CDH18: variants seen among roughly 807,000 people sequenced by gnomAD.
CDH18 encodes the protein cadherin-18.
In CDH18, 31 loss-of-function variants were observed where a neutral mutation model predicts 67.9. That is an observed-to-expected ratio of 0.46 (90% CI 0.34 to 0.62). CDH18 has a LOEUF of 0.62. Ranked by LOEUF, CDH18 falls within the 20% of genes least tolerant of loss-of-function variation. The probability of loss-of-function intolerance (pLI) is 0.01; values close to 1 mark genes in which losing one functional copy is unlikely to be tolerated. For synonymous variants in CDH18, 362 were observed against 347.2 expected, an observed-to-expected ratio of 1.04 and a Z score of -0.48; for missense variants, 890 against 975.5, an observed-to-expected ratio of 0.91 and a Z score of 1.17.
chr5:20,195,489 A>T (rs1388042000), intron 2 of CDH18, among the ~76,000 whole-genome samples: 2 of 152,068 alleles, frequency 1.3e-5, no homozygotes, highest in Non-Finnish European at 1.5e-5. Context: ...TAATATTATT[A>T]AATAAAACCA....
chr5:19,738,779 A>G (rs1055816134), intron 4 of CDH18, among the ~76,000 whole-genome samples: 6 of 152,080 alleles, frequency 3.9e-5, no homozygotes, highest in African/African-American at 1.4e-4. Context: ...AAAATAACTA[A>G]TGGTTACTAG....
intron 3 of CDH18, among the ~76,000 whole-genome samples, chr5:19,816,028 T>A (rs1779251099): frequency 6.6e-6 from 1 of 151,892 alleles, no homozygotes; most frequent in Non-Finnish European, 1.5e-5. Flanking sequence ...AGATACACCA[T>A]AAATACAGTG....
intron 2 of CDH18, among the ~76,000 whole-genome samples, chr5:20,025,963 T>C (rs1239802821): frequency 6.6e-6 from 1 of 152,216 alleles, no homozygotes; most frequent in East Asian, 1.9e-4. Context: ...CCGACTACTA[T>C]GTCTAGTATA....
At chr5:20,095,460 G>T (rs1340802562) in intron 2 of CDH18, among the ~76,000 whole-genome samples, 1 of 98,288 alleles carries the variant, frequency 1.0e-5, no homozygotes. Context: ...AAGAAAGAAA[G>T]AAGAAAGAAG....
chr5:19,517,182 T>C (rs1239939172), intron 10 of CDH18, among the ~76,000 whole-genome samples: 1 of 152,162 alleles, frequency 6.6e-6, no homozygotes, highest in Admixed American at 6.6e-5. Flanking sequence ...CACATTGTAG[T>C]TTTAATTTCT....
intron 2 of CDH18, among the ~76,000 whole-genome samples, chr5:19,980,748 C>T (rs535111115): frequency 1.3e-5 from 2 of 152,204 alleles, no homozygotes; most frequent in South Asian, 2.1e-4. Context: ...ATTTTATACC[C>T]GCACCACAAA....
intron 1 of CDH18, among the ~76,000 whole-genome samples, chr5:19,986,644 T>C (rs1278074833): frequency 6.6e-6 from 1 of 152,124 alleles, no homozygotes; most frequent in Non-Finnish European, 1.5e-5. Flanking sequence ...TATTAAGATA[T>C]CCAGAATTAA....
intron 5 of CDH18, among the ~76,000 whole-genome samples, chr5:19,655,856 C>T (rs936834569): frequency 6.6e-6 from 1 of 152,084 alleles, no homozygotes; most frequent in Admixed American, 6.6e-5. Flanking sequence ...AACAGGCTGT[C>T]AGCAATAAAT....
rs148796651 is a variant in CDH18, at chr5:20,279,938, C to G, written c.-579-24433G>C. Among the ~76,000 whole-genome samples the G allele has an allele frequency of 4.4e-3, 669 of 151,906 alleles. 3 individuals are homozygous for G. Among genetic ancestry groups the G allele is most frequent in the South Asian group, 0.019 (91 of 4,824 alleles). ...AATACACATTGTTCTCCTCAGCATA[C>G]AGATAACTCTCAAGTATAGTCCACG... On this transcript the variant is annotated intron_variant, in intron 1 of 14. Coordinates refer to the CDH18 transcript ENST00000507958.
intron 1 of CDH18, among the ~76,000 whole-genome samples, chr5:20,431,842 C>G (rs920757587): frequency 2.6e-5 from 4 of 152,208 alleles, no homozygotes; most frequent in African/African-American, 9.6e-5. Flanking sequence ...TTTCTTTTAA[C>G]AAATGTTTAA....
chr5:19,685,902 TAG>T (rs1761029663), intron 5 of CDH18, among the ~76,000 whole-genome samples: 1 of 152,124 alleles, frequency 6.6e-6, no homozygotes, highest in African/African-American at 2.4e-5. Context: ...AAATAATATA[TAG>T]ACTTTCTTCC....
At chr5:19,584,808 A>AG (rs1554052874) in intron 7 of CDH18, among the ~76,000 whole-genome samples, 6 of 147,578 alleles carry the variant, frequency 4.1e-5, no homozygotes, top group Non-Finnish European at 7.5e-5. Context: ...AAAAAAAAAA[A>AG]AAAAGAAAAA....
intron 1 of CDH18, among the ~76,000 whole-genome samples, chr5:20,266,723 C>T (rs962583521): frequency 4.2e-4 from 63 of 151,630 alleles, no homozygotes; most frequent in Middle Eastern, 3.4e-3. Flanking sequence ...TCACTGTGCC[C>T]GGCCTTGCTA....
intron 1 of CDH18, among the ~76,000 whole-genome samples, chr5:20,358,813 C>A (rs1741841002): frequency 6.6e-6 from 1 of 151,648 alleles, no homozygotes. Context: ...AATGTCCATA[C>A]TATATATTTG....
intron 4 of CDH18, among the ~76,000 whole-genome samples, chr5:19,741,243 ATG>A (rs1561196494): frequency 2.3e-5 from 2 of 88,112 alleles, no homozygotes; most frequent in East Asian, 3.5e-4. Flanking sequence ...ATGTACATAT[ATG>A]TATGTATATA....
intron 2 of CDH18, among the ~76,000 whole-genome samples, chr5:19,846,125 C>G (rs763407043): frequency 6.6e-6 from 1 of 151,678 alleles, no homozygotes; most frequent in Non-Finnish European, 1.5e-5. Flanking sequence ...TTTTAAATTT[C>G]TTTTAATTAC....
At chr5:19,733,943 T>G (rs1483250349) in intron 4 of CDH18, among the ~76,000 whole-genome samples, 1 of 152,158 alleles carries the variant, frequency 6.6e-6, no homozygotes. Context: ...CCACACTTGC[T>G]TGCTTACATG....
chr5:20,106,105 C>G (rs1746916533), intron 2 of CDH18, among the ~76,000 whole-genome samples: 1 of 152,186 alleles, frequency 6.6e-6, no homozygotes, highest in Non-Finnish European at 1.5e-5. Flanking sequence ...AATTCCCTGG[C>G]AGAAGATCAT....
intron 2 of CDH18, among the ~76,000 whole-genome samples, chr5:20,174,793 G>C (rs72743045): frequency 6.6e-6 from 1 of 152,102 alleles, no homozygotes; most frequent in African/African-American, 2.4e-5. Context: ...ATGGATGTTT[G>C]CCAGAATAGT....
Sources: gnomAD v4.1 joint callset for allele counts (sites outside exome capture counted in the v4.1 genomes callset) on GRCh38, gnomAD v4.1.1 for gene constraint, MANE v1.5 for transcripts, NCBI Gene and HGNC (gene_info 2026-07-23, HGNC 2026-07-21) for gene names.